WNK1: variants seen among roughly 807,000 people sequenced by gnomAD.
WNK1 encodes serine/threonine-protein kinase WNK1.
In WNK1, 38 loss-of-function variants were observed where a neutral mutation model predicts 222.8. The observed-to-expected ratio is 0.17, with a 90% CI of 0.13 to 0.22. WNK1 has a LOEUF of 0.22. Ranked by LOEUF, WNK1 falls within the 10% of genes least tolerant of loss-of-function variation. The pLI is 1.00. For synonymous variants in WNK1, 1,090 were observed against 1,092.9 expected, an observed-to-expected ratio of 1.00 and a Z score of 0.05; for missense variants, 2,348 against 2,918.4, an observed-to-expected ratio of 0.80 and a Z score of 4.50.
Position 753,623 on chromosome 12 carries a change from C to A in WNK1, c.58C>A (p.Pro20Thr). Residue 20 changes from proline (P) to threonine (T), a missense_variant, in exon 1 of 28, where the codon CCG becomes ACG. Pro to Thr is a conservative substitution (Grantham distance 38). This residue lies in a region of WNK1 where 108 missense variants were observed against 109.7 expected (regional missense o/e 0.98). Coordinates refer to ENST00000315939, the MANE Select transcript of WNK1 (RefSeq NM_018979.4). This position sits in a 1 kb window ranked among gnomAD's most constrained non-coding sequence, Gnocchi z 5.2. The stretch of plus-strand genomic sequence containing the variant: ...CACTCCCGGTTCCCTGTTCCTCTCG[C>A]CGCCGGCTCCTGCCCCCAAGAATGG... ...SSTPGSLFLS[P>T]PAPAPKNGSS... is the part of the protein sequence containing the mutation. 6.2e-7 allele frequency: 1 copy of A among 1,612,804 alleles called. No homozygotes were observed. The highest frequency in any genetic ancestry group is 2.2e-5 in the East Asian group (1 of 44,868).
chr12:753,878 C>T lies in WNK1; in HGVS notation c.313C>T (p.Pro105Ser). Reference protein sequence around the residue: ...LPGLPLSLPQPSIPAAVPQSA... With the variant: ...LPGLPLSLPQSSIPAAVPQSA... ...CGGCCTTCCTCTTTCCCTGCCCCAGCCCAGCATCCCCGCGGCTGTCCCGCA... is the reference window on the plus strand; with the variant it reads ...CGGCCTTCCTCTTTCCCTGCCCCAGTCCAGCATCCCCGCGGCTGTCCCGCA... The change falls in exon 1 of 28, where the codon CCC becomes TCC. Residue 105 changes from proline to serine, a missense_variant. By Grantham distance (74) the Pro-to-Ser change is moderately conservative. Coordinates refer to ENST00000315939, the MANE Select transcript of WNK1 (RefSeq NM_018979.4). This position sits in a 1 kb window ranked among gnomAD's most constrained non-coding sequence, Gnocchi z 5.2. 6.2e-7 allele frequency: 1 copy of T among 1,612,290 alleles called. No homozygotes were observed. Among genetic ancestry groups the T allele is most frequent in the East Asian group, 2.2e-5 (1 of 44,866 alleles).
intron 1 of WNK1, among the ~76,000 whole-genome samples, chr12:782,204 TATC>T (rs1943784189): frequency 6.6e-6 from 1 of 152,250 alleles, no homozygotes; most frequent in Non-Finnish European, 1.5e-5. Flanking sequence ...ATGACCTAAT[TATC>T]ATTTTATTAG....
At chr12:800,283 T>C (rs2153990674) in intron 1 of WNK1, among the ~76,000 whole-genome samples, 1 of 152,286 alleles carries the variant, frequency 6.6e-6, no homozygotes, top group East Asian at 1.9e-4. Flanking sequence ...CACATCCTAC[T>C]TTTGCTTTTC....
intron 4 of WNK1, among the ~76,000 whole-genome samples, chr12:846,310 G>T (rs1373063955): frequency 6.6e-6 from 1 of 152,144 alleles, no homozygotes; most frequent in Non-Finnish European, 1.5e-5. Flanking sequence ...ATAATGAGAA[G>T]ATCCAAGTAA....
chr12:841,541 T>A (rs528855056), intron 4 of WNK1, among the ~76,000 whole-genome samples: 2 of 152,240 alleles, frequency 1.3e-5, no homozygotes, highest in Non-Finnish European at 2.9e-5. Context: ...CTTCCTCTTT[T>A]TCTCAATGTT....
chr12:787,860 T>A (rs1355372724), intron 1 of WNK1, among the ~76,000 whole-genome samples: 2 of 152,106 alleles, frequency 1.3e-5, no homozygotes, highest in Non-Finnish European at 2.9e-5. Context: ...TGTGTAATTT[T>A]AGTGTGAAAA....
intron 1 of WNK1, among the ~76,000 whole-genome samples, chr12:775,903 G>T (rs1943029429): frequency 1.3e-5 from 2 of 152,206 alleles, no homozygotes; most frequent in African/African-American, 4.8e-5. Flanking sequence ...AACAAACGTA[G>T]AAGTGGCAGT....
At chr12:836,380 T>G (rs867195460) in intron 4 of WNK1, among the ~76,000 whole-genome samples, 1 of 152,218 alleles carries the variant, frequency 6.6e-6, no homozygotes, top group Non-Finnish European at 1.5e-5. Flanking sequence ...TATAAGAAAG[T>G]ACATTTGAAA....
chr12:879,912 C>T lies in WNK1; in HGVS notation c.2713C>T (p.Gln905Ter). The change falls in exon 11 of 28, where the codon CAG becomes TAG. Residue 905 changes from glutamine (Q) to a stop codon, truncating the protein, a stop_gained. Transcript: ENST00000315939. LOFTEE classifies it high-confidence loss of function. ...QLPTLLQPVT[Q>*]LPSQVHPQLL... is the part of the protein sequence containing the mutation. ...TCCAACCCTTCTGCAGCCTGTGACT[C>T]AGCTGCCAAGTCAGGTTCACCCACA... 1 of 1,614,096 alleles carries T rather than the reference C, an allele frequency of 6.2e-7. No homozygotes were observed. Among genetic ancestry groups the T allele is most frequent in the Non-Finnish European group, 8.5e-7 (1 of 1,179,968 alleles).
chr12:894,505 A>G, intron 22 of WNK1, 57 bp from the exon 23 acceptor site: 1 of 1,459,900 alleles, frequency 6.8e-7, no homozygotes, highest in Non-Finnish European at 9.6e-7. Flanking sequence ...GCTAAAGGGA[A>G]AAGAAGTTAA....
At chr12:781,002 C>G (rs1026266345) in intron 1 of WNK1, 1 of 152,404 alleles carries the variant, frequency 6.6e-6, no homozygotes, top group Non-Finnish European at 1.5e-5. Flanking sequence ...CTAAGAAATA[C>G]ATTTACATTG....
intron 20 of WNK1, among the ~76,000 whole-genome samples, chr12:888,586 G>T (rs1210245752): frequency 6.6e-6 from 1 of 152,216 alleles, no homozygotes; most frequent in Non-Finnish European, 1.5e-5. Flanking sequence ...TGTGCTTGCG[G>T]TGGATGGAAT....
chr12:869,785 A>G (rs1374913719), intron 8 of WNK1, among the ~76,000 whole-genome samples: 2 of 152,020 alleles, frequency 1.3e-5, no homozygotes, highest in African/African-American at 4.8e-5. Flanking sequence ...TCTAATTTTT[A>G]GCAACTAACA....
intron 26 of WNK1, chr12:904,609 T>C (rs1955546440): frequency 1.5e-6 from 1 of 649,082 alleles, no homozygotes; most frequent in African/African-American, 1.9e-5. Context: ...TATCTCTGTA[T>C]CCTATTCTAA....
intron 2 of WNK1, among the ~76,000 whole-genome samples, chr12:822,872 G>T (rs1241830633): frequency 2.6e-5 from 4 of 152,118 alleles, no homozygotes; most frequent in African/African-American, 9.7e-5. Context: ...TGGTTTTATG[G>T]CTTCAAGTTA....
chr12:896,713 C>T lies in WNK1; in HGVS notation c.6226C>T (p.Leu2076=). The change falls in exon 24 of 28, where the codon CTG becomes TTG. Residue 2076 remains leucine (L), a synonymous_variant. Transcript: ENST00000315939. ...CGAAGATGAAGACTTAAAGTTAGAG[C>T]TGCGACGACTACGAGATAAGTAAGT... ...DIEDEDLKLE[L]RRLRDKHLKE... The T allele has an allele frequency of 6.2e-7, 1 of 1,607,440 alleles. No individual in the cohort carries two copies. The highest frequency in any genetic ancestry group is 8.5e-7 in the Non-Finnish European group (1 of 1,178,850).
At chr12:772,184 A>G (rs188817442) in intron 1 of WNK1, among the ~76,000 whole-genome samples, 8 of 152,212 alleles carry the variant, frequency 5.3e-5, no homozygotes, top group Non-Finnish European at 1.0e-4. Context: ...GAAATAAAAA[A>G]TCACCTGCAG....
Position 896,193 on chromosome 12 carries a change from T to C in WNK1, c.5706T>C (p.Ser1902=), listed in dbSNP as rs536553203. The C allele has an allele frequency of 1.9e-5, 30 of 1,614,120 alleles. No homozygotes were observed. The African/African-American group carries it at 2.9e-4, about 16-fold the overall frequency. The stretch of plus-strand genomic sequence containing the variant: ...TGCTATCAAGTAGTAGTCCAGAGAG[T>C]ACCTTGGTGAAACCAGAGCCGAATG... ...SSVLSSSSPE[S]TLVKPEPNGI... is the part of the protein sequence containing the mutation. Residue 1902 remains serine, a synonymous_variant, in exon 24 of 28, where the codon AGT becomes AGC. Coordinates refer to ENST00000315939, the MANE Select transcript of WNK1 (RefSeq NM_018979.4).
intron 26 of WNK1, chr12:904,338 C>T: frequency 1.4e-6 from 1 of 726,576 alleles, no homozygotes; most frequent in Non-Finnish European, 2.1e-6. Flanking sequence ...TCCTACCTAT[C>T]TGTCTCACCT....
Sources: allele counts gnomAD v4.1 joint callset (sites outside exome capture counted in the v4.1 genomes callset), GRCh38; gene constraint gnomAD v4.1.1; regional missense constraint gnomAD v4.1.1; non-coding constraint Gnocchi (gnomAD v3.1); transcripts MANE v1.5; gene names NCBI Gene and HGNC (gene_info 2026-07-23, HGNC 2026-07-21).